COBLL1: variants seen among roughly 807,000 people sequenced by gnomAD.
The protein encoded by COBLL1 is cordon-bleu WH2 repeat protein like 1, also known as cordon-bleu protein-like 1.
A neutral mutation model predicts 94.8 loss-of-function variants in COBLL1; 50 were observed. The observed-to-expected ratio is 0.53, with a 90% CI of 0.42 to 0.67. The LOEUF (loss-of-function observed/expected upper bound fraction) is 0.67, where lower values mean the gene tolerates loss of function less well. Ranked by LOEUF, COBLL1 falls within the 30% of genes least tolerant of loss-of-function variation. The probability of loss-of-function intolerance (pLI) is 0.00; values close to 1 mark genes in which losing one functional copy is unlikely to be tolerated. For missense variants in COBLL1, 1,362 were observed against 1,348.7 expected, an observed-to-expected ratio of 1.01 and a Z score of -0.15; for synonymous variants, 448 against 473.8, an observed-to-expected ratio of 0.95 and a Z score of 0.71.
chr2:164,717,774 G>A (rs1238860797), intron 7 of COBLL1, among the ~76,000 whole-genome samples: 3 of 152,018 alleles, frequency 2.0e-5, no homozygotes, highest in Admixed American at 2.0e-4. Context: ...TTGTGGCCCA[G>A]GTTGGTCTTG....
chr2:164,814,698 C>A (rs927726176), intron 2 of COBLL1, among the ~76,000 whole-genome samples: 2 of 152,130 alleles, frequency 1.3e-5, no homozygotes, highest in African/African-American at 4.8e-5. Context: ...GGGAAAAAGA[C>A]AGAATTTGCC....
chr2:164,707,151 T>TA (rs113167912), intron 7 of COBLL1, among the ~76,000 whole-genome samples: 2 of 112,472 alleles, frequency 1.8e-5, no homozygotes, highest in African/African-American at 5.1e-5. Flanking sequence ...TCAAAAGTCA[T>TA]TTTTTTTTTT....
In COBLL1 at chr2:164,743,846, G is replaced by A; in HGVS notation, c.71C>T (p.Pro24Leu). ...RRKPKAKAPL[P>L]PAETKYTDVS... ...ATCAGTATATTTGGTCTCAGCTGGA[G>A]GAAGTGGTGCCTTGGCTTTTGGTTT... The change falls in exon 3 of 14, where the codon CCT (proline) becomes CTT (leucine). Residue 24 changes from proline to leucine, a missense_variant. Physicochemically the swap from Pro to Leu is moderately conservative, Grantham distance 98. Coordinates refer to ENST00000652658, the MANE Select transcript of COBLL1 (RefSeq NM_001365672.2). 1 of 1,574,920 alleles carries A rather than the reference G, an allele frequency of 6.3e-7. No homozygotes were observed. The highest frequency in any genetic ancestry group is 8.6e-7 in the Non-Finnish European group (1 of 1,156,396).
Position 164,685,131 on chromosome 2 carries a change from A to T in COBLL1, c.*815T>A, listed in dbSNP as rs1362264176. The T allele has an allele frequency of 6.6e-6, 1 of 152,130 alleles. No individual in the cohort carries two copies. Among genetic ancestry groups the T allele is most frequent in the Non-Finnish European group, 1.5e-5 (1 of 67,998 alleles). The allele number at this position is 152,130 out of a possible 1,614,324, so 9.4% of individuals were successfully genotyped here. On this transcript the variant is annotated 3_prime_UTR_variant, in exon 14 of 14. Coordinates refer to ENST00000652658, the MANE Select transcript of COBLL1 (RefSeq NM_001365672.2). ...TCAATATAAACATAAACTAACCCCT[A>T]TTCCTCTCTACATATCAAATGTGAA...
At position 164,841,170 on chromosome 2, in the gene COBLL1, C is replaced by G; in HGVS notation, c.27G>C (p.Gln9His). The stretch of plus-strand genomic sequence containing the variant: ...TCTGGGCTTACCTGGCTGGGGCGTC[C>G]TGCGGGCGCGGGGTTCGGCCGTCCA... Reference protein sequence around the residue: MDGRTPRPQDAPARRKPKA... With the variant: MDGRTPRPHDAPARRKPKA... The change falls in exon 2 of 14, where the codon CAG becomes CAC. Residue 9 changes from glutamine (Q) to histidine (H), a missense_variant. Physicochemically the swap from Gln to His is conservative, Grantham distance 24 (BLOSUM62 0). Transcript: ENST00000652658. The surrounding 1 kb of genome is among the most constrained non-coding windows in gnomAD (Gnocchi z 5.5). 6 of 1,231,452 alleles carry G rather than the reference C, an allele frequency of 4.9e-6. No individual in the cohort carries two copies. Among genetic ancestry groups the G allele is most frequent in the Non-Finnish European group, 6.1e-6 (6 of 988,130 alleles). 76.3% of individuals were successfully genotyped at this position (1,231,452 alleles called of 1,614,324 possible). A position where few individuals can be genotyped will look rare whatever the true frequency, so the allele number is the denominator to read the frequency against.
chr2:164,702,404 A>G (rs1282320578), intron 9 of COBLL1, among the ~76,000 whole-genome samples: 2 of 151,710 alleles, frequency 1.3e-5, no homozygotes, highest in African/African-American at 4.8e-5. Flanking sequence ...TCTACTAAAA[A>G]TACAAAAAAA....
chr2:164,796,559 C>T (rs559086246), intron 2 of COBLL1, among the ~76,000 whole-genome samples: 6 of 151,712 alleles, frequency 4.0e-5, no homozygotes, highest in African/African-American at 1.2e-4. Context: ...TTAATATCTT[C>T]GAACTTTCTA....
At chr2:164,689,205 G>GC (rs1254369036) in intron 13 of COBLL1, among the ~76,000 whole-genome samples, 1 of 151,914 alleles carries the variant, frequency 6.6e-6, no homozygotes, top group Non-Finnish European at 1.5e-5. Flanking sequence ...TTACACTAGA[G>GC]CAATCAACTA....
intron 9 of COBLL1, among the ~76,000 whole-genome samples, chr2:164,701,521 G>A (rs981700700): frequency 7.9e-5 from 12 of 152,024 alleles, no homozygotes; most frequent in Non-Finnish European, 1.6e-4. Flanking sequence ...CCATACTCAC[G>A]TTTCCTTTTG....
At chr2:164,839,220 T>C (rs1342700140) in intron 2 of COBLL1, among the ~76,000 whole-genome samples, 1 of 152,240 alleles carries the variant, frequency 6.6e-6, no homozygotes, top group Non-Finnish European at 1.5e-5. Context: ...GCAAAAGTCC[T>C]TTACAAATGC....
intron 2 of COBLL1, among the ~76,000 whole-genome samples, chr2:164,818,235 T>A (rs1177949555): frequency 6.6e-6 from 1 of 150,986 alleles, no homozygotes; most frequent in Non-Finnish European, 1.5e-5. Context: ...TACATATGCA[T>A]GTATGTATAC....
intron 3 of COBLL1, among the ~76,000 whole-genome samples, chr2:164,734,569 G>T (rs1393670526): frequency 1.3e-5 from 2 of 152,150 alleles, no homozygotes; most frequent in Admixed American, 1.3e-4. Flanking sequence ...AAAATAGCCT[G>T]GAGGAGCAGC....
In COBLL1 at chr2:164,699,508, TACG is replaced by T. The variant is rs755282988; in HGVS notation, c.1461-12_1461-10del. 1 of 1,521,636 alleles carries T rather than the reference TACG, an allele frequency of 6.6e-7. No individual in the cohort carries two copies. Among genetic ancestry groups the T allele is most frequent in the Non-Finnish European group, 9.1e-7 (1 of 1,096,248 alleles). 94.3% of individuals were successfully genotyped at this position (1,521,636 alleles called of 1,614,324 possible). ...CTACACTGTGTGGTTCTCTGGAAGA[TACG>T]ACATTGTATGTTATATGTTGATACT... On this transcript the variant is annotated splice_polypyrimidine_tract_variant and intron_variant, in intron 10 of 13. Transcript: ENST00000652658.
In COBLL1 at chr2:164,743,785, A is replaced by G. The variant is rs770260182; in HGVS notation, c.132T>C (p.Ala44=). ...SSAADSVEST[A]FIMEQKENMI... ...TGTTTTCTTTCTGTTCCATGATGAA[A>G]GCAGTGGATTCTACAGAATCAGCAG... Residue 44 remains alanine, a synonymous_variant, in exon 3 of 14, where the codon GCT becomes GCC. Coordinates refer to ENST00000652658, the MANE Select transcript of COBLL1 (RefSeq NM_001365672.2). 6.2e-7 allele frequency: 1 copy of G among 1,613,462 alleles called. No homozygotes were observed. The highest frequency in any genetic ancestry group is 8.5e-7 in the Non-Finnish European group (1 of 1,179,594).
At chr2:164,804,001 G>A (rs1011187444) in intron 2 of COBLL1, among the ~76,000 whole-genome samples, 1 of 151,708 alleles carries the variant, frequency 6.6e-6, no homozygotes. Flanking sequence ...CTAGATACTG[G>A]TGAGAGGCAG....
chr2:164,784,142 T>A (rs1038005264), intron 2 of COBLL1, among the ~76,000 whole-genome samples: 3 of 152,190 alleles, frequency 2.0e-5, no homozygotes, highest in Non-Finnish European at 4.4e-5. Flanking sequence ...TCTCGTCTCA[T>A]GGTAGATTCT....
chr2:164,815,192 G>A (rs546155904), intron 2 of COBLL1, among the ~76,000 whole-genome samples: 3 of 152,036 alleles, frequency 2.0e-5, no homozygotes, highest in Non-Finnish European at 4.4e-5. Flanking sequence ...TTGAGGTCAG[G>A]AGTTTGAGAC....
At chr2:164,686,689 A>G (rs3769869) in intron 13 of COBLL1, among the ~76,000 whole-genome samples, 44,965 of 151,968 alleles carry the variant, frequency 0.3, 8,853 homozygotes, top group African/African-American at 0.56. Context: ...TAAAAACACT[A>G]AAACAAGAAT....
intron 2 of COBLL1, among the ~76,000 whole-genome samples, chr2:164,809,647 A>G (rs551831153): frequency 3.7e-4 from 57 of 152,138 alleles, no homozygotes; most frequent in Admixed American, 2.4e-3. Context: ...AAAGTATCTA[A>G]ATAAGCTGTC....
Sources: allele counts gnomAD v4.1 joint callset (sites outside exome capture counted in the v4.1 genomes callset), GRCh38; gene constraint gnomAD v4.1.1; non-coding constraint Gnocchi (gnomAD v3.1); transcripts MANE v1.5; gene names NCBI Gene and HGNC (gene_info 2026-07-23, HGNC 2026-07-21).